Variants in ATP2A3 observed in about 807,000 individuals in gnomAD.
ATP2A3 encodes ATPase sarcoplasmic/endoplasmic reticulum Ca2+ transporting 3, also known as sarcoplasmic/endoplasmic reticulum calcium ATPase 3.
ATP2A3 carries 61 observed loss-of-function variants against 106.8 expected under a neutral mutation model. That is an observed-to-expected ratio of 0.57 (90% confidence interval 0.46 to 0.71). The LOEUF (loss-of-function observed/expected upper bound fraction) is 0.71, where lower values mean the gene tolerates loss of function less well. Ranked by LOEUF, ATP2A3 falls within the 30% of genes least tolerant of loss-of-function variation. ATP2A3 has a pLI of 0.00. For synonymous variants in ATP2A3, 611 were observed against 609.3 expected, an observed-to-expected ratio of 1.00 and a Z score of -0.04; for missense variants, 1,201 against 1,423.5, an observed-to-expected ratio of 0.84 and a Z score of 2.52.
At chr17:3,942,219 AG>A (rs1299816990) in intron 12 of ATP2A3, among the ~76,000 whole-genome samples, 1 of 152,194 alleles carries the variant, frequency 6.6e-6, no homozygotes, top group African/African-American at 2.4e-5. Context: ...TGCTCCTAAA[AG>A]GTCACCCAGG....
chr17:3,928,026 TG>T lies in ATP2A3; in HGVS notation c.2980+636del, dbSNP rs781246473. On this transcript the variant is annotated intron_variant, in intron 20 of 20. Coordinates refer to ENST00000397041, the MANE Select transcript of ATP2A3 (RefSeq NM_005173.4). The surrounding 1 kb of genome is among the most constrained non-coding windows in gnomAD (Gnocchi z 6.1). ...AGCAGCTCTGACAGCGAGACGATGC[TG>T]TGTCCCTGGCCCTTGGAAGTTCAGA... is the stretch of plus-strand genomic sequence containing the variant. 1.2e-6 allele frequency: 2 copies of T among 1,614,106 alleles called. No individual in the cohort carries two copies. Among genetic ancestry groups the T allele is most frequent in the Non-Finnish European group, 1.7e-6 (2 of 1,180,016 alleles).
At chr17:3,940,043 G>GTTTTTTTTTTTTTTT (rs1294599615) in intron 14 of ATP2A3, among the ~76,000 whole-genome samples, 3 of 87,618 alleles carry the variant, frequency 3.4e-5, no homozygotes, top group East Asian at 3.1e-4. Context: ...TTTTTTTTTT[G>GTTTTTTTTTTTTTTT]TTTTTTGTTT....
intron 17 of ATP2A3, among the ~76,000 whole-genome samples, chr17:3,933,616 G>T (rs2053245859): frequency 6.7e-6 from 1 of 150,094 alleles, no homozygotes; most frequent in Admixed American, 6.6e-5. Flanking sequence ...GGCGCCTGTA[G>T]TCCCAGCTAA....
chr17:3,958,713 TATATACAC>T (rs1264021629), intron 1 of ATP2A3, among the ~76,000 whole-genome samples: 61 of 109,626 alleles, frequency 5.6e-4, no homozygotes, highest in African/African-American at 1.9e-3. Flanking sequence ...TATATATATA[TATATACAC>T]ATATATATAC....
At position 3,929,194 on chromosome 17, in the gene ATP2A3, G is replaced by A. The variant is rs1010895169; in HGVS notation, c.2862+134C>T. On this transcript the variant is annotated intron_variant, in intron 19 of 20. Coordinates refer to ENST00000397041, the MANE Select transcript of ATP2A3 (RefSeq NM_005173.4). The surrounding 1 kb of genome is among the most constrained non-coding windows in gnomAD (Gnocchi z 4.3). ...TGAAGGTGGGGCCACAGCTGGAGGT[G>A]GTGGCTGGCCAGACCTCTCACCTCC... 8.7e-6 allele frequency: 7 copies of A among 806,048 alleles called. No individual in the cohort carries two copies. Among genetic ancestry groups the A allele is most frequent in the Non-Finnish European group, 1.4e-5 (7 of 512,846 alleles). 49.9% of individuals were successfully genotyped at this position (806,048 alleles called of 1,614,324 possible).
Position 3,928,884 on chromosome 17 carries a change from G to A in ATP2A3, c.2863-104C>T, listed in dbSNP as rs1280648345. The A allele has an allele frequency of 3.0e-5, 26 of 874,548 alleles. No homozygotes were observed. The East Asian group carries it at 5.9e-4, about 20-fold the overall frequency. The allele number at this position is 874,548 out of a possible 1,614,324, so 54.2% of individuals were successfully genotyped here. A position where few individuals can be genotyped will look rare whatever the true frequency, so the allele number is the denominator to read the frequency against. On this transcript the variant is annotated intron_variant, in intron 19 of 20. Coordinates refer to ENST00000397041, the MANE Select transcript of ATP2A3 (RefSeq NM_005173.4). This position sits in a 1 kb window ranked among gnomAD's most constrained non-coding sequence, Gnocchi z 6.1. ...ACCTGGGCTCTGATGGACTCTTCAT[G>A]AGCGCTCCTAAGAACCCCCTGGATG... is the stretch of plus-strand genomic sequence containing the variant.
rs767473115 is a variant in ATP2A3 at position 3,928,255 on chromosome 17, G to T, written c.2980+408C>A. 2.5e-6 allele frequency: 4 copies of T among 1,613,470 alleles called. No homozygotes were observed. The African/African-American group carries it at 5.3e-5, about 22-fold the overall frequency. On this transcript the variant is annotated intron_variant, in intron 20 of 20. Transcript: ENST00000397041. The surrounding 1 kb of genome is among the most constrained non-coding windows in gnomAD (Gnocchi z 6.1). ...AGAGGCCAACCCGGTGTGGTCTGGG[G>T]TCCAAGAGGTGGTCAGCGGCTGCCT...
At chr17:3,951,558 G>GCCCCCCC in intron 4 of ATP2A3, 23 bp downstream of exon 4, 1 of 716,220 alleles carries the variant, frequency 1.4e-6, no homozygotes, top group Non-Finnish European at 2.1e-6. Context: ...CCCCCGCCCG[G>GCCCCCCC]TCCCACCCCC....
rs779341611 is a variant in ATP2A3, at chr17:3,947,427, C to T, written c.1059G>A (p.Thr353=). 4.5e-5 allele frequency: 72 copies of T among 1,613,686 alleles called. No individual in the cohort carries two copies. Among genetic ancestry groups the T allele is most frequent in the Non-Finnish European group, 5.5e-5 (65 of 1,180,004 alleles). The change falls in exon 8 of 21, where the codon ACG becomes ACA. Residue 353 remains threonine, a synonymous_variant. Transcript: ENST00000397041. The surrounding 1 kb of genome is among the most constrained non-coding windows in gnomAD (Gnocchi z 7.7). ...GCTSVICSDK[T]GTLTTNQMSV... ...ACATCTGATTGGTGGTGAGCGTGCC[C>T]GTCTTGTCGGAGCAGATGACTGAGG...
intron 10 of ATP2A3, 49 bp downstream of exon 10, chr17:3,944,655 T>C: frequency 6.3e-7 from 1 of 1,580,310 alleles, no homozygotes; most frequent in Non-Finnish European, 8.6e-7. Context: ...AAAGGGTCTG[T>C]CCTGGTCGCC....
intron 7 of ATP2A3, among the ~76,000 whole-genome samples, chr17:3,949,127 C>CA (rs869265323): frequency 0.017 from 1,015 of 59,666 alleles, 28 homozygotes; most frequent in East Asian, 0.037. Flanking sequence ...GACTCTGTCT[C>CA]AAAAAAAAAA....
At chr17:3,948,005 T>A in intron 7 of ATP2A3, 150 bp from the exon 8 acceptor site, 2 of 765,528 alleles carry the variant, frequency 2.6e-6, no homozygotes, top group East Asian at 5.3e-5. Flanking sequence ...CCTGTAGCTA[T>A]GTATGCACGG....
chr17:3,959,964 A>G (rs1027724765), intron 1 of ATP2A3, among the ~76,000 whole-genome samples: 2 of 152,240 alleles, frequency 1.3e-5, no homozygotes, highest in Admixed American at 1.3e-4. Flanking sequence ...CCAGCTGGGC[A>G]GGCCTGATGC....
At position 3,943,458 on chromosome 17, in the gene ATP2A3, T is replaced by A; in HGVS notation, c.1352A>T (p.Lys451Met). 6.2e-7 allele frequency: 1 copy of A among 1,614,112 alleles called. No homozygotes were observed. The highest frequency in any genetic ancestry group is 8.5e-7 in the Non-Finnish European group (1 of 1,179,998). ...TETALTCLVE[K>M]MNVFDTDLQA... Reference sequence around the variant, plus strand: ...CAGGTCGGTGTCGAACACGTTCATCTTCTCCACCAGGCAAGTCAGAGCTGT... The same window carrying A: ...CAGGTCGGTGTCGAACACGTTCATCATCTCCACCAGGCAAGTCAGAGCTGT... Residue 451 changes from lysine to methionine, a missense_variant, in exon 11 of 21, where the codon AAG becomes ATG. Lys to Met is a moderately conservative substitution (Grantham distance 95). This residue lies in a region of ATP2A3 where 935 missense variants were observed against 1,176.7 expected (regional missense o/e 0.79). Coordinates refer to ENST00000397041, the MANE Select transcript of ATP2A3 (RefSeq NM_005173.4).
intron 17 of ATP2A3, among the ~76,000 whole-genome samples, chr17:3,931,733 G>A (rs1051000058): frequency 2.0e-5 from 3 of 152,130 alleles, no homozygotes; most frequent in Admixed American, 6.6e-5. Flanking sequence ...GTGTTAGCCA[G>A]GATGGTCTAG....
intron 1 of ATP2A3, among the ~76,000 whole-genome samples, chr17:3,963,759 G>A (rs573778000): frequency 1.3e-5 from 2 of 152,332 alleles, no homozygotes; most frequent in East Asian, 1.9e-4. Flanking sequence ...GGGGCCAGCT[G>A]GGAGGCCGAG....
In ATP2A3 at chr17:3,926,323, G is replaced by T. The variant is rs962980091; in HGVS notation, c.2981-882C>A. Reference sequence around the variant, plus strand: ...GGCCCCAGGGACTGCAGTAGCGCTGGGCAGGGCTGTCTGGGCTTCCAGTGA... The same window carrying T: ...GGCCCCAGGGACTGCAGTAGCGCTGTGCAGGGCTGTCTGGGCTTCCAGTGA... On this transcript the variant is annotated intron_variant, in intron 20 of 20. Coordinates refer to ENST00000397041, the MANE Select transcript of ATP2A3 (RefSeq NM_005173.4). This position sits in a 1 kb window ranked among gnomAD's most constrained non-coding sequence, Gnocchi z 4.6. Among the ~76,000 whole-genome samples the T allele has an allele frequency of 1.3e-5, 2 of 152,156 alleles. No homozygotes were observed. Among genetic ancestry groups the T allele is most frequent in the African/African-American group, 4.8e-5 (2 of 41,418 alleles).
rs2053856090 is a variant in ATP2A3 at position 3,942,734 on chromosome 17, G to C, written c.1420-3C>G. 1 of 1,612,550 alleles carries C rather than the reference G, an allele frequency of 6.2e-7. No homozygotes were observed. Among genetic ancestry groups the C allele is most frequent in the Non-Finnish European group, 8.5e-7 (1 of 1,179,796 alleles). ...TTCCGCATCAGCTGCTTGATGACCT[G>C]CGGGGTCCAGGCAGGTCAGGGCATG... On this transcript the variant is annotated splice_polypyrimidine_tract_variant and splice_region_variant and intron_variant, in intron 11 of 20. Transcript: ENST00000397041.
chr17:3,945,457 C>G (rs558910758), intron 8 of ATP2A3: 1 of 292,770 alleles, frequency 3.4e-6, no homozygotes, highest in Non-Finnish European at 6.5e-6. Flanking sequence ...GGCAGAAAGC[C>G]TGGGTCCTTG....
Sources: gnomAD v4.1 joint callset for allele counts (sites outside exome capture counted in the v4.1 genomes callset) on GRCh38, gnomAD v4.1.1 for gene constraint, gnomAD v4.1.1 regional missense constraint, Gnocchi (gnomAD v3.1) non-coding constraint, MANE v1.5 for transcripts, NCBI Gene and HGNC (gene_info 2026-07-23, HGNC 2026-07-21) for gene names.